ANO3: variants seen among roughly 807,000 people sequenced by gnomAD.
ANO3 encodes anoctamin 3.
A neutral mutation model predicts 144.8 loss-of-function variants in ANO3; 99 were observed. The ratio of observed to expected loss-of-function variants is 0.68; its 90% CI spans 0.58 to 0.81. The LOEUF (loss-of-function observed/expected upper bound fraction) is 0.81, where lower values mean the gene tolerates loss of function less well. ANO3 is among the 30% of genes least tolerant of loss of function. The pLI is 0.00. For missense variants in ANO3, 905 were observed against 1,202.2 expected (o/e 0.75, Z 3.66); for synonymous variants, 414 against 392.6 (o/e 1.05, Z -0.64).
At position 26,531,254 on chromosome 11, in the gene ANO3, A is replaced by G. The variant is rs202208919; in HGVS notation, c.787A>G (p.Met263Val). 4.0e-5 allele frequency: 65 copies of G among 1,614,114 alleles called. No homozygotes were observed. In the South Asian group the frequency reaches 5.5e-4, roughly 14 times the overall value. Residue 263 changes from methionine to valine, a missense_variant, in exon 8 of 27, where the codon ATG (methionine) becomes GTG (valine). Met to Val is a conservative substitution (Grantham distance 21). This residue lies in a region of ANO3 where 71 missense variants were observed against 57.9 expected (regional missense o/e 1.23). Coordinates refer to ENST00000256737, the MANE Select transcript of ANO3 (RefSeq NM_031418.4). ...RIKNWMAQNP[M>V]VLDKSAFPDL... ...CAAAAACTGGATGGCCCAAAACCCA[A>G]TGGTTCTTGACAAGTCAGCTTTTCC...
chr11:26,264,807 G>A (rs945518399), intron 1 of ANO3, among the ~76,000 whole-genome samples: 23 of 151,768 alleles, frequency 1.5e-4, no homozygotes, highest in African/African-American at 4.8e-4. Flanking sequence ...TAAGACAATA[G>A]TCATATTGGA....
chr11:26,480,076 C>T (rs1040103836), intron 4 of ANO3, among the ~76,000 whole-genome samples: 3 of 152,140 alleles, frequency 2.0e-5, no homozygotes, highest in Non-Finnish European at 2.9e-5. Flanking sequence ...GCTACAACAC[C>T]GCGTGGGAGA....
intron 4 of ANO3, among the ~76,000 whole-genome samples, chr11:26,478,256 G>A (rs1213976821): frequency 1.3e-5 from 2 of 152,214 alleles, no homozygotes; most frequent in South Asian, 2.1e-4. Flanking sequence ...GAAAAAGTTT[G>A]GAGAGCCCCA....
At chr11:26,475,436 G>A (rs917658030) in intron 4 of ANO3, among the ~76,000 whole-genome samples, 3 of 151,886 alleles carry the variant, frequency 2.0e-5, no homozygotes, top group African/African-American at 7.3e-5. Context: ...CACTTCATAG[G>A]AAACTATTGC....
At chr11:26,299,075 A>G (rs1455537262) in intron 1 of ANO3, among the ~76,000 whole-genome samples, 1 of 152,242 alleles carries the variant, frequency 6.6e-6, no homozygotes, top group African/African-American at 2.4e-5. Flanking sequence ...ACCATGAGAC[A>G]GGATGAAATT....
intron 9 of ANO3, among the ~76,000 whole-genome samples, chr11:26,536,868 G>A (rs544501327): frequency 2.0e-5 from 3 of 152,070 alleles, no homozygotes; most frequent in African/African-American, 7.2e-5. Flanking sequence ...GTTCTTACCA[G>A]GAGTATATGA....
At chr11:26,536,775 T>C (rs1165417095) in intron 9 of ANO3, among the ~76,000 whole-genome samples, 11 of 152,124 alleles carry the variant, frequency 7.2e-5, no homozygotes, top group African/African-American at 1.7e-4. Flanking sequence ...AATTAAATGA[T>C]TTATCAGTTT....
intron 14 of ANO3, among the ~76,000 whole-genome samples, chr11:26,564,771 A>C: frequency 9.6e-6 from 1 of 103,822 alleles, no homozygotes; most frequent in Non-Finnish European, 2.1e-5. Flanking sequence ...ATATATATAT[A>C]TATATATATA....
chr11:26,549,261 T>A (rs440645), intron 12 of ANO3, among the ~76,000 whole-genome samples: 1 of 151,768 alleles, frequency 6.6e-6, no homozygotes, highest in African/African-American at 2.4e-5. Flanking sequence ...CAGTGTTGTA[T>A]GGCATTATAT....
At chr11:26,280,795 G>A (rs566385589) in intron 1 of ANO3, among the ~76,000 whole-genome samples, 153 of 152,258 alleles carry the variant, frequency 1.0e-3, no homozygotes, top group Middle Eastern at 3.4e-3. Context: ...AGAGTTCCCT[G>A]TCTCCCAGGA....
At chr11:26,336,926 A>T (rs1855209049) in intron 1 of ANO3, among the ~76,000 whole-genome samples, 2 of 152,188 alleles carry the variant, frequency 1.3e-5, no homozygotes, top group Non-Finnish European at 2.9e-5. Context: ...TAAGGTAAGG[A>T]GTTATACTTT....
chr11:26,214,479 G>C (rs1450636469), intron 1 of ANO3, among the ~76,000 whole-genome samples: 4 of 151,954 alleles, frequency 2.6e-5, no homozygotes, highest in Non-Finnish European at 5.9e-5. Context: ...TTAATCAACA[G>C]TATTTGGACA....
rs990017687 is a variant in ANO3, at chr11:26,285,273, A to G, written c.155-24372A>G. 3.9e-5 allele frequency among the ~76,000 whole-genome samples: 6 copies of G among 152,206 alleles called. No individual in the cohort carries two copies. In the South Asian group the frequency reaches 1.0e-3, roughly 26 times the overall value. On this transcript the variant is annotated intron_variant, in intron 1 of 27. Transcript: ENST00000672621. ...ATATAGGAAGATAAAGAAACTCATA[A>G]TTTGCATAATGGCAACAAAGCATCT...
chr11:26,482,945 A>C (rs903951642), intron 4 of ANO3, among the ~76,000 whole-genome samples: 3 of 152,122 alleles, frequency 2.0e-5, no homozygotes, highest in Non-Finnish European at 4.4e-5. Context: ...TTTATGGCTG[A>C]ATATCACATT....
intron 5 of ANO3, among the ~76,000 whole-genome samples, chr11:26,512,082 A>G (rs999461577): frequency 6.6e-6 from 1 of 152,206 alleles, no homozygotes. Flanking sequence ...ACTGAAAAGA[A>G]CATAGATTTG....
At chr11:26,626,736 C>G (rs533273342) in intron 18 of ANO3, among the ~76,000 whole-genome samples, 1 of 152,200 alleles carries the variant, frequency 6.6e-6, no homozygotes, top group South Asian at 2.1e-4. Flanking sequence ...TTTAAAAAAT[C>G]TTTCTGGAAC....
At position 26,562,189 on chromosome 11, in the gene ANO3, A is replaced by G. The variant is rs373359133; in HGVS notation, c.1447+2410A>G. On this transcript the variant is annotated intron_variant, in intron 14 of 26. Transcript: ENST00000256737. ...GTTGAAAACCACCGTTATAAATCCT[A>G]TCCTTTAATTTTTGAAGAATGGTAC... is the stretch of plus-strand genomic sequence containing the variant. Among the ~76,000 whole-genome samples, 9 of 152,010 alleles carry G rather than the reference A, an allele frequency of 5.9e-5. No homozygotes were observed. In the East Asian group the frequency reaches 1.7e-3, roughly 29 times the overall value.
At chr11:26,250,470 A>G (rs1363946959) in intron 1 of ANO3, among the ~76,000 whole-genome samples, 1 of 152,136 alleles carries the variant, frequency 6.6e-6, no homozygotes, top group Non-Finnish European at 1.5e-5. Flanking sequence ...TTTCCAAAGG[A>G]CACTATTTTA....
chr11:26,266,806 G>T (rs1050740263), intron 1 of ANO3, among the ~76,000 whole-genome samples: 7 of 151,578 alleles, frequency 4.6e-5, no homozygotes, highest in African/African-American at 1.7e-4. Flanking sequence ...TTTCAGCCGG[G>T]TGTGGTGGCT....
Sources: gnomAD v4.1 joint callset for allele counts (sites outside exome capture counted in the v4.1 genomes callset) on GRCh38, gnomAD v4.1.1 for gene constraint, gnomAD v4.1.1 regional missense constraint, MANE v1.5 for transcripts, NCBI Gene and HGNC (gene_info 2026-07-23, HGNC 2026-07-21) for gene names.